WWC2: variants seen among roughly 807,000 people sequenced by gnomAD.
WWC2 encodes the protein protein WWC2.
In WWC2, 101 loss-of-function variants were observed where a neutral mutation model predicts 138.5. The ratio of observed to expected loss-of-function variants is 0.73; its 90% CI spans 0.62 to 0.86. The LOEUF is 0.86. WWC2 is among the 40% of genes least tolerant of loss of function. The probability of loss-of-function intolerance (pLI) is 0.00; values close to 1 mark genes in which losing one functional copy is unlikely to be tolerated. For missense variants in WWC2, 1,420 were observed against 1,419.4 expected, an observed-to-expected ratio of 1.00 and a Z score of -0.01; for synonymous variants, 558 against 538.4, an observed-to-expected ratio of 1.04 and a Z score of -0.50.
At chr4:183,194,492 G>A (rs144052124) in intron 2 of WWC2, among the ~76,000 whole-genome samples, 21 of 151,864 alleles carry the variant, frequency 1.4e-4, no homozygotes, top group East Asian at 3.9e-4. Flanking sequence ...TAAGTTTTGC[G>A]GAATACATAA....
At chr4:183,145,805 G>A (rs1423118395) in intron 1 of WWC2, among the ~76,000 whole-genome samples, 1 of 152,122 alleles carries the variant, frequency 6.6e-6, no homozygotes, top group East Asian at 1.9e-4. Flanking sequence ...GGATAATCTC[G>A]GATTGATGTT....
intron 1 of WWC2, among the ~76,000 whole-genome samples, chr4:183,101,158 A>ATTTAGG (rs1743168420): frequency 6.6e-6 from 1 of 152,240 alleles, no homozygotes; most frequent in Non-Finnish European, 1.5e-5. Context: ...AATTGAAATA[A>ATTTAGG]CAATAAATTC....
chr4:183,121,857 C>T (rs1402208819), intron 1 of WWC2, among the ~76,000 whole-genome samples: 4 of 148,332 alleles, frequency 2.7e-5, no homozygotes, highest in Non-Finnish European at 5.9e-5. Flanking sequence ...ACGATCTTGG[C>T]TCACTGCAAG....
chr4:183,099,729 G>C, intron 1 of WWC2, 107 bp downstream of exon 1: 1 of 1,092,068 alleles, frequency 9.2e-7, no homozygotes, highest in Non-Finnish European at 1.1e-6. Flanking sequence ...GGTGCCCCGA[G>C]GGGTCCCGGG....
chr4:183,280,666 G>GGA, intron 16 of WWC2, 110 bp from the exon 17 acceptor site: 1 of 1,174,854 alleles, frequency 8.5e-7, no homozygotes, highest in South Asian at 1.6e-5. Flanking sequence ...GTTTTCAGCA[G>GGA]GAGAGTTGAG....
chr4:183,235,278 C>A (rs1012268664), intron 4 of WWC2, among the ~76,000 whole-genome samples: 2 of 152,156 alleles, frequency 1.3e-5, no homozygotes, highest in Non-Finnish European at 2.9e-5. Context: ...TAAAATTTCA[C>A]TCATATCACC....
intron 21 of WWC2, among the ~76,000 whole-genome samples, chr4:183,305,826 A>T (rs1036429594): frequency 1.3e-5 from 2 of 152,334 alleles, no homozygotes; most frequent in East Asian, 3.9e-4. Flanking sequence ...ACAAAGGAAG[A>T]GCATTGAAAA....
At chr4:183,113,981 AG>A (rs1732333248) in intron 1 of WWC2, among the ~76,000 whole-genome samples, 1 of 152,124 alleles carries the variant, frequency 6.6e-6, no homozygotes, top group Non-Finnish European at 1.5e-5. Flanking sequence ...GGAAAGACCG[AG>A]GGAGAATGTG....
chr4:183,133,597 A>G (rs1311175292), intron 1 of WWC2, among the ~76,000 whole-genome samples: 3 of 152,086 alleles, frequency 2.0e-5, no homozygotes, highest in Admixed American at 2.0e-4. Context: ...TCCAGGTTCA[A>G]ATGATTCTCC....
Position 183,319,403 on chromosome 4 carries a change from A to C in WWC2, c.*3674A>C. 1 of 834,400 alleles carries C rather than the reference A, an allele frequency of 1.2e-6. No homozygotes were observed. 51.7% of individuals were successfully genotyped at this position (834,400 alleles called of 1,614,324 possible). Reference sequence around the variant, plus strand: ...TCAGACTAGAAGATAAAAATGGTTTACCAGTCTTGGAAAGAAACTATAGTT... The same window carrying C: ...TCAGACTAGAAGATAAAAATGGTTTCCCAGTCTTGGAAAGAAACTATAGTT... On this transcript the variant is annotated 3_prime_UTR_variant, in exon 23 of 23. Coordinates refer to ENST00000403733, the MANE Select transcript of WWC2 (RefSeq NM_024949.6).
intron 1 of WWC2, among the ~76,000 whole-genome samples, chr4:183,154,520 G>A (rs1402835871): frequency 6.6e-6 from 1 of 152,160 alleles, no homozygotes; most frequent in Non-Finnish European, 1.5e-5. Flanking sequence ...GATTTCCCCG[G>A]TGTTGGACTT....
chr4:183,308,146 A>G (rs1579076498), intron 21 of WWC2, among the ~76,000 whole-genome samples: 1 of 152,232 alleles, frequency 6.6e-6, no homozygotes, highest in African/African-American at 2.4e-5. Context: ...AAAAAGTGAA[A>G]TACTTGTAAA....
intron 4 of WWC2, among the ~76,000 whole-genome samples, chr4:183,213,331 C>T (rs1055037331): frequency 5.9e-5 from 9 of 152,188 alleles, no homozygotes; most frequent in African/African-American, 2.2e-4. Context: ...GGTTTGCGTA[C>T]TCTGTTAAAA....
chr4:183,183,143 T>C lies in WWC2; in HGVS notation c.132-10456T>C, dbSNP rs193015541. On this transcript the variant is annotated intron_variant, in intron 1 of 22. Coordinates refer to ENST00000403733, the MANE Select transcript of WWC2 (RefSeq NM_024949.6). ...ATGCAACACAATCAAGAATAGTATT[T>C]CTAGGTTAAAAGGAATTAACATTTT... Among the ~76,000 whole-genome samples the C allele has an allele frequency of 4.4e-3, 667 of 152,322 alleles. 4 individuals are homozygous for C. Among genetic ancestry groups the C allele is most frequent in the African/African-American group, 0.016 (649 of 41,562 alleles).
At chr4:183,243,576 T>C (rs1253987045) in intron 5 of WWC2, among the ~76,000 whole-genome samples, 1 of 152,182 alleles carries the variant, frequency 6.6e-6, no homozygotes, top group Non-Finnish European at 1.5e-5. Context: ...GTGGTAGTCA[T>C]AAGAGCCCCA....
chr4:183,296,833 C>T (rs1280748174), intron 21 of WWC2, among the ~76,000 whole-genome samples: 1 of 144,622 alleles, frequency 6.9e-6, no homozygotes, highest in East Asian at 2.2e-4. Context: ...ACTCGGGAGG[C>T]TGAGACAGGA....
At chr4:183,164,308 ATATT>A (rs1561443722) in intron 1 of WWC2, among the ~76,000 whole-genome samples, 7 of 740 alleles carry the variant, frequency 9.5e-3, no homozygotes, top group African/African-American at 0.012. Flanking sequence ...ATACATATAT[ATATT>A]ATATATACAT....
Position 183,219,457 on chromosome 4 carries a change from G to A in WWC2, c.522+10432G>A, listed in dbSNP as rs372199818. On this transcript the variant is annotated intron_variant, in intron 4 of 22. Transcript: ENST00000403733. Reference sequence around the variant, plus strand: ...GGAAAATGATACCACCTGGAAATTTGGATCTAAATAAAATAATGAAAAATG... The same window carrying A: ...GGAAAATGATACCACCTGGAAATTTAGATCTAAATAAAATAATGAAAAATG... 2.0e-5 allele frequency among the ~76,000 whole-genome samples: 3 copies of A among 151,918 alleles called. No homozygotes were observed. In the East Asian group the frequency reaches 5.8e-4, roughly 29 times the overall value.
intron 1 of WWC2, among the ~76,000 whole-genome samples, chr4:183,155,313 C>T (rs746908701): frequency 1.1e-4 from 16 of 151,432 alleles, no homozygotes; most frequent in Non-Finnish European, 2.2e-4. Flanking sequence ...TAGGGGTCAG[C>T]GGAGACATAG....
Sources: allele counts gnomAD v4.1 joint callset (sites outside exome capture counted in the v4.1 genomes callset), GRCh38; gene constraint gnomAD v4.1.1; transcripts MANE v1.5; gene names NCBI Gene and HGNC (gene_info 2026-07-23, HGNC 2026-07-21).